The following LRP1 variants were observed in gnomAD, a reference collection of about 807,000 sequenced individuals.
LRP1 encodes the protein prolow-density lipoprotein receptor-related protein 1.
LRP1 carries 51 observed loss-of-function variants against 541.5 expected under a neutral mutation model. The observed-to-expected ratio is 0.09, with a 90% CI of 0.08 to 0.12. The LOEUF is 0.12. LRP1 is among the 10% of genes least tolerant of loss of function. The pLI is 1.00. For missense variants in LRP1, 3,878 were observed against 6,376.2 expected (o/e 0.61, Z 13.34); for synonymous variants, 2,219 against 2,470.8 (o/e 0.90, Z 3.02).
intron 68 of LRP1, chr12:57,202,905 C>G (rs34485600): frequency 8.8e-6 from 5 of 569,484 alleles, no homozygotes; most frequent in Non-Finnish European, 1.3e-5. Flanking sequence ...GTCTTGCCCC[C>G]GCTCCCCTCC....
chr12:57,176,721 A>G (rs919159879), intron 24 of LRP1, among the ~76,000 whole-genome samples: 1 of 152,266 alleles, frequency 6.6e-6, no homozygotes, highest in Admixed American at 6.5e-5. Context: ...ACTGTGCAAC[A>G]GTCTCTAAAA....
At chr12:57,202,347 C>T in intron 67 of LRP1, 74 bp from the exon 68 acceptor site, 3 of 1,208,952 alleles carry the variant, frequency 2.5e-6, no homozygotes, top group Non-Finnish European at 3.7e-6. Context: ...CCAGGCCAGC[C>T]TGACCATGCC....
At chr12:57,163,066 T>A (rs2035770440) in intron 15 of LRP1, 83 bp downstream of exon 15, 2 of 1,488,768 alleles carry the variant, frequency 1.3e-6, no homozygotes, top group Non-Finnish European at 1.8e-6. Flanking sequence ...GGATCCAGGG[T>A]CCCAGTCAGA....
chr12:57,210,757 C>T lies in LRP1; in HGVS notation c.12794C>T (p.Pro4265Leu), dbSNP rs148334904. The change falls in exon 83 of 89, where the codon CCC (proline) becomes CTC (leucine). Residue 4265 changes from proline (P) to leucine (L), a missense_variant. Pro to Leu is a moderately conservative substitution (Grantham distance 98, BLOSUM62 -3). Transcript: ENST00000243077. ...CGGTGCCCCACGGGCTTCACGGGCC[C>T]CAAATGCACCCAGCAGGTGTGTGCG... is the stretch of plus-strand genomic sequence containing the variant. Reference protein sequence around the residue: ...TCRCPTGFTGPKCTQQVCAGY... With the variant: ...TCRCPTGFTGLKCTQQVCAGY... The T allele has an allele frequency of 1.2e-6, 2 of 1,612,216 alleles. No homozygotes were observed. Among genetic ancestry groups the T allele is most frequent in the East Asian group, 4.5e-5 (2 of 44,824 alleles).
At chr12:57,203,754 C>T (rs996541381) in intron 70 of LRP1, 2 of 529,910 alleles carry the variant, frequency 3.8e-6, no homozygotes, top group Non-Finnish European at 6.4e-6. Flanking sequence ...TCAATGCCCC[C>T]TAGTCTAGGG....
chr12:57,204,659 C>T lies in LRP1; in HGVS notation c.11104C>T (p.Arg3702Cys). The T allele has an allele frequency of 6.2e-7, 1 of 1,614,016 alleles. No individual in the cohort carries two copies. Among genetic ancestry groups the T allele is most frequent in the Non-Finnish European group, 8.5e-7 (1 of 1,180,024 alleles). Residue 3702 changes from arginine to cysteine, a missense_variant, in exon 72 of 89, where the codon CGT (arginine) becomes TGT (cysteine). Arg to Cys is a radical substitution (Grantham distance 180, BLOSUM62 -3). Coordinates refer to ENST00000243077, the MANE Select transcript of LRP1 (RefSeq NM_002332.3). This position sits in a 1 kb window ranked among gnomAD's most constrained non-coding sequence, Gnocchi z 5.3. The stretch of plus-strand genomic sequence containing the variant: ...CGTGTGCCCTCCCAACCGGCCCTTC[C>T]GTTGCAAGAATGACCGCGTCTGTCT... ...RFVCPPNRPF[R>C]CKNDRVCLWI...
intron 10 of LRP1, among the ~76,000 whole-genome samples, chr12:57,157,798 G>A (rs1416801484): frequency 6.6e-6 from 1 of 152,252 alleles, no homozygotes; most frequent in Non-Finnish European, 1.5e-5. Context: ...AGGCCAGTGT[G>A]AGTGTGGCAA....
Position 57,212,595 on chromosome 12 carries a change from C to T in LRP1, c.*40C>T, listed in dbSNP as rs752280179. The T allele has an allele frequency of 3.9e-6, 6 of 1,540,892 alleles. No individual in the cohort carries two copies. In the East Asian group the frequency reaches 1.4e-4, roughly 35 times the overall value. ...GGACTGCCCCCAGAAAGCCTCCTGC[C>T]CCCTGCCAGTGAAGTCCTTCAGTGA... On this transcript the variant is annotated 3_prime_UTR_variant, in exon 89 of 89. Transcript: ENST00000243077. The surrounding 1 kb of genome is among the most constrained non-coding windows in gnomAD (Gnocchi z 5.0).
intron 20 of LRP1, 84 bp downstream of exon 20, chr12:57,169,391 C>A: frequency 1.5e-6 from 2 of 1,327,544 alleles, no homozygotes; most frequent in Non-Finnish European, 2.1e-6. Context: ...CTTTCAGACC[C>A]ACGGTGTGTC....
At chr12:57,191,939 CACCACA>C (rs1313518771) in intron 44 of LRP1, among the ~76,000 whole-genome samples, 248 of 44,374 alleles carry the variant, frequency 5.6e-3, no homozygotes, top group East Asian at 9.7e-3. Flanking sequence ...ACCACACACA[CACCACA>C]TACACACACC....
chr12:57,173,057 G>A lies in LRP1; in HGVS notation c.3164-111G>A. 1 of 838,770 alleles carries A rather than the reference G, an allele frequency of 1.2e-6. No homozygotes were observed. Among genetic ancestry groups the A allele is most frequent in the Non-Finnish European group, 1.8e-6 (1 of 546,994 alleles). The allele number at this position is 838,770 out of a possible 1,614,324, so 52.0% of individuals were successfully genotyped here. A position where few individuals can be genotyped will look rare whatever the true frequency, so the allele number is the denominator to read the frequency against. On this transcript the variant is annotated intron_variant, in intron 20 of 88. Coordinates refer to ENST00000243077, the MANE Select transcript of LRP1 (RefSeq NM_002332.3). The surrounding 1 kb of genome is among the most constrained non-coding windows in gnomAD (Gnocchi z 4.7). Reference sequence around the variant, plus strand: ...AAAGCTTGGCAGACTCTCCAGGCCTGCCTCTGCTCATATCCCCAGGCTGGG... The same window carrying A: ...AAAGCTTGGCAGACTCTCCAGGCCTACCTCTGCTCATATCCCCAGGCTGGG...
At chr12:57,157,014 C>G (rs911937747) in intron 10 of LRP1, 94 bp downstream of exon 10, 2 of 1,396,572 alleles carry the variant, frequency 1.4e-6, no homozygotes, top group Non-Finnish European at 1.9e-6. Flanking sequence ...GTCTGACATG[C>G]AGGGAGATGA....
intron 15 of LRP1, chr12:57,164,456 C>G (rs991815679): frequency 6.6e-6 from 1 of 152,164 alleles, no homozygotes; most frequent in Non-Finnish European, 1.5e-5. Flanking sequence ...TTTACTCAAC[C>G]GTTTCTCTAC....
Position 57,162,298 on chromosome 12 carries a change from A to G in LRP1, c.2203-19A>G, listed in dbSNP as rs1254102051. 3.1e-6 allele frequency: 5 copies of G among 1,610,412 alleles called. No individual in the cohort carries two copies. In the African/African-American group the frequency reaches 6.7e-5, roughly 22 times the overall value. On this transcript the variant is annotated intron_variant, in intron 13 of 88. Coordinates refer to ENST00000243077, the MANE Select transcript of LRP1 (RefSeq NM_002332.3). The surrounding 1 kb of genome is among the most constrained non-coding windows in gnomAD (Gnocchi z 5.2). ...TCAATTTTCTTCCAACTCCTTAGTA[A>G]CATCCTCTCCATCCCTAGATTGTGT...
At position 57,158,622 on chromosome 12, in the gene LRP1, G is replaced by A. The variant is rs1441835658; in HGVS notation, c.1782G>A (p.Glu594=). 6.2e-7 allele frequency: 1 copy of A among 1,614,008 alleles called. No individual in the cohort carries two copies. Among genetic ancestry groups the A allele is most frequent in the Non-Finnish European group, 8.5e-7 (1 of 1,180,014 alleles). Residue 594 remains glutamate, a synonymous_variant, in exon 11 of 89, where the codon GAG becomes GAA. Coordinates refer to ENST00000243077, the MANE Select transcript of LRP1 (RefSeq NM_002332.3). The surrounding 1 kb of genome is among the most constrained non-coding windows in gnomAD (Gnocchi z 5.3). ...AGAAGATTGATGGCACTGAGCGGGA[G>A]ACCATCCTGAAGGACGGTATGGGCT... ...GRQKIDGTER[E]TILKDGIHNV... is the part of the protein sequence containing the mutation.
intron 2 of LRP1, 54 bp from the exon 3 acceptor site, chr12:57,141,320 C>A: frequency 6.2e-7 from 1 of 1,609,112 alleles, no homozygotes; most frequent in Non-Finnish European, 8.5e-7. Context: ...GAACAGCTGA[C>A]CAGAGAGCCA....
rs764715739 is a variant in LRP1 at position 57,179,793 on chromosome 12, G to A, written c.4978G>A (p.Ala1660Thr). The change falls in exon 30 of 89, where the codon GCC becomes ACC. Residue 1660 changes from alanine (A) to threonine (T), a missense_variant. Coordinates refer to ENST00000243077, the MANE Select transcript of LRP1 (RefSeq NM_002332.3). The surrounding 1 kb of genome is among the most constrained non-coding windows in gnomAD (Gnocchi z 6.8). ...ETVVSADLPNAHGLAVDWVSR... is the reference protein window; with the variant it reads ...ETVVSADLPNTHGLAVDWVSR... The stretch of plus-strand genomic sequence containing the variant: ...ACTTGTGCCCCCAGACTTGCCAAAT[G>A]CCCACGGGCTGGCTGTGGACTGGGT... 1 of 1,613,888 alleles carries A rather than the reference G, an allele frequency of 6.2e-7. No individual in the cohort carries two copies. The highest frequency in any genetic ancestry group is 2.2e-5 in the East Asian group (1 of 44,878).
rs376726053 is a variant in LRP1 at position 57,163,633 on chromosome 12, A to G, written c.2530+650A>G. 1.6e-4 allele frequency among the ~76,000 whole-genome samples: 25 copies of G among 152,248 alleles called. 1 individual carries two copies. The highest frequency in any genetic ancestry group is 5.5e-4 in the African/African-American group (23 of 41,546). On this transcript the variant is annotated intron_variant, in intron 15 of 88. Coordinates refer to ENST00000243077, the MANE Select transcript of LRP1 (RefSeq NM_002332.3). ...ACATATAATATATATGTTGGAAATT[A>G]GAGAGGAGAAAAAAGCCCAAATCCC... is the stretch of plus-strand genomic sequence containing the variant.
intron 33 of LRP1, 122 bp downstream of exon 33, chr12:57,180,929 G>A: frequency 7.3e-7 from 1 of 1,379,160 alleles, no homozygotes; most frequent in East Asian, 2.3e-5. Context: ...ACCACCCAAA[G>A]GGGCTCCTTG....
Sources: gnomAD v4.1 joint callset for allele counts (sites outside exome capture counted in the v4.1 genomes callset) on GRCh38, gnomAD v4.1.1 for gene constraint, Gnocchi (gnomAD v3.1) non-coding constraint, MANE v1.5 for transcripts, NCBI Gene and HGNC (gene_info 2026-07-23, HGNC 2026-07-21) for gene names.